Variants in NAV3 observed in about 807,000 individuals in gnomAD.
NAV3 encodes neuron navigator 3.
In NAV3, 87 loss-of-function variants were observed where a neutral mutation model predicts 244.7. The ratio of observed to expected loss-of-function variants is 0.36; its 90% confidence interval spans 0.30 to 0.42. The LOEUF (loss-of-function observed/expected upper bound fraction) is 0.42, where lower values mean the gene tolerates loss of function less well. NAV3 is among the 20% of genes least tolerant of loss of function. NAV3 has a pLI of 1.00. For missense variants in NAV3, 2,663 were observed against 2,893.3 expected, an observed-to-expected ratio of 0.92 and a Z score of 1.83; for synonymous variants, 1,126 against 1,042.2, an observed-to-expected ratio of 1.08 and a Z score of -1.55.
chr12:78,018,735 G>A (rs920156523), intron 8 of NAV3, among the ~76,000 whole-genome samples: 1 of 152,184 alleles, frequency 6.6e-6, no homozygotes, highest in African/African-American at 2.4e-5. Flanking sequence ...TTTGCAGGCA[G>A]CCAGTCAGCT....
chr12:78,150,631 TCA>T lies in NAV3; in HGVS notation c.4785+1751_4785+1752del, dbSNP rs34534100. 8.8e-3 allele frequency among the ~76,000 whole-genome samples: 1,273 copies of T among 144,284 alleles called. 10 individuals carry two copies. Among genetic ancestry groups the T allele is most frequent in the South Asian group, 0.041 (179 of 4,396 alleles). 94.7% of individuals were successfully genotyped at this position (144,284 alleles called of 152,430 possible). On this transcript the variant is annotated intron_variant, in intron 22 of 39. Transcript: ENST00000397909. Reference sequence around the variant, plus strand: ...TTAATACACACGTGCAAAAGCTTCCTCACACACACACACACACACACACACAC... The same window carrying T: ...TTAATACACACGTGCAAAAGCTTCCTCACACACACACACACACACACACAC...
chr12:77,980,364 T>A (rs1393452858), intron 5 of NAV3, among the ~76,000 whole-genome samples: 2 of 152,296 alleles, frequency 1.3e-5, no homozygotes, highest in East Asian at 3.9e-4. Flanking sequence ...TTATAAGGAC[T>A]TGATAGACTA....
At chr12:78,143,212 A>G (rs1956703574) in intron 20 of NAV3, among the ~76,000 whole-genome samples, 1 of 152,194 alleles carries the variant, frequency 6.6e-6, no homozygotes, top group Non-Finnish European at 1.5e-5. Context: ...ATAAAATAAA[A>G]TTTGAAAATA....
intron 24 of NAV3, among the ~76,000 whole-genome samples, chr12:78,169,751 G>A (rs553463566): frequency 5.3e-4 from 80 of 151,824 alleles, no homozygotes; most frequent in African/African-American, 1.9e-3. Flanking sequence ...TCCAGGATCA[G>A]CAGAAACTTA....
chr12:77,899,476 A>C (rs1402224873), intron 1 of NAV3, among the ~76,000 whole-genome samples: 3 of 152,222 alleles, frequency 2.0e-5, no homozygotes, highest in African/African-American at 7.2e-5. Context: ...CAATTCCCTG[A>C]AGCCTCAGAT....
At chr12:77,870,048 T>C (rs1162183200) in intron 1 of NAV3, among the ~76,000 whole-genome samples, 1 of 152,136 alleles carries the variant, frequency 6.6e-6, no homozygotes, top group African/African-American at 2.4e-5. Flanking sequence ...TACTGCAATA[T>C]AAAAATGCAA....
At chr12:77,830,321 TC>T (rs1373428404), upstream of NAV3, among the ~76,000 whole-genome samples, 1 of 152,204 alleles carries the variant, frequency 6.6e-6, no homozygotes, top group African/African-American at 2.4e-5. Context: ...ATACATTCTT[TC>T]CCCCTTTCTA....
At chr12:78,167,595 G>A (rs1476458692) in intron 23 of NAV3, among the ~76,000 whole-genome samples, 3 of 150,840 alleles carry the variant, frequency 2.0e-5, no homozygotes, top group East Asian at 2.0e-4. Context: ...TGCAAAGGCC[G>A]CTGTGGATGA....
At chr12:78,120,151 A>T (rs1325609462) in intron 15 of NAV3, among the ~76,000 whole-genome samples, 1 of 151,752 alleles carries the variant, frequency 6.6e-6, no homozygotes, top group Non-Finnish European at 1.5e-5. Context: ...TTTGAGAAAC[A>T]GTCAAACTTC....
intron 12 of NAV3, among the ~76,000 whole-genome samples, chr12:78,073,787 A>G (rs980989170): frequency 6.6e-6 from 1 of 152,172 alleles, no homozygotes; most frequent in African/African-American, 2.4e-5. Flanking sequence ...CTGACTTCAA[A>G]CTATACTACA....
At chr12:78,136,441 A>C (rs1956376872) in intron 18 of NAV3, among the ~76,000 whole-genome samples, 1 of 152,206 alleles carries the variant, frequency 6.6e-6, no homozygotes, top group Non-Finnish European at 1.5e-5. Context: ...GGCAATAAGC[A>C]ATAAGAAAAT....
chr12:77,968,400 A>G, intron 4 of NAV3, 119 bp from the exon 5 acceptor site: 1 of 778,426 alleles, frequency 1.3e-6, no homozygotes, highest in South Asian at 1.7e-5. Context: ...ACTGTGACTG[A>G]GAGAATTAAG....
At chr12:77,906,550 T>G (rs1885998938) in intron 1 of NAV3, among the ~76,000 whole-genome samples, 1 of 152,030 alleles carries the variant, frequency 6.6e-6, no homozygotes, top group South Asian at 2.1e-4. Flanking sequence ...GGCAATGGAC[T>G]AGGTTGAGGG....
chr12:77,835,007 G>A lies in NAV3; in HGVS notation c.243+3303G>A, dbSNP rs564122185. ...TAACAATAGCATAAAGAAGATAGAC[G>A]TTTATTTCATTTTCATGTAAAGGAA... On this transcript the variant is annotated intron_variant, in intron 1 of 39. Coordinates refer to ENST00000397909, the MANE Select transcript of NAV3 (RefSeq NM_001024383.2). 6.6e-5 allele frequency among the ~76,000 whole-genome samples: 10 copies of A among 152,218 alleles called. No individual in the cohort carries two copies. The South Asian group carries it at 1.9e-3, about 28-fold the overall frequency.
intron 8 of NAV3, among the ~76,000 whole-genome samples, chr12:78,018,506 T>C (rs1876608558): frequency 6.6e-6 from 1 of 152,222 alleles, no homozygotes; most frequent in East Asian, 1.9e-4. Flanking sequence ...AGAATCTTTT[T>C]TAACTAACAT....
At chr12:78,080,156 A>C (rs903745766) in intron 12 of NAV3, among the ~76,000 whole-genome samples, 2 of 152,162 alleles carry the variant, frequency 1.3e-5, no homozygotes, top group Admixed American at 6.5e-5. Flanking sequence ...TATAGTTTAC[A>C]CTGTTTCTAA....
At chr12:77,914,416 A>C (rs1211433718) in intron 1 of NAV3, among the ~76,000 whole-genome samples, 3 of 152,064 alleles carry the variant, frequency 2.0e-5, no homozygotes, top group African/African-American at 7.2e-5. Flanking sequence ...TTGATATCTT[A>C]GTGAGGGATG....
chr12:77,827,667 C>T (rs2136051771), upstream of NAV3, among the ~76,000 whole-genome samples: 1 of 152,280 alleles, frequency 6.6e-6, no homozygotes, highest in South Asian at 2.1e-4. Context: ...CTTTCTAATT[C>T]TCATGACTGT....
intron 2 of NAV3, among the ~76,000 whole-genome samples, chr12:77,683,124 T>G (rs1224494660): frequency 1.3e-5 from 2 of 152,154 alleles, no homozygotes; most frequent in African/African-American, 4.8e-5. Flanking sequence ...TATGTTTTCT[T>G]CCAATAATTT....
Sources: gnomAD v4.1 joint callset for allele counts (sites outside exome capture counted in the v4.1 genomes callset) on GRCh38, gnomAD v4.1.1 for gene constraint, MANE v1.5 for transcripts, NCBI Gene and HGNC (gene_info 2026-07-23, HGNC 2026-07-21) for gene names.